The following ANKRD18B variants were observed in gnomAD, a reference collection of about 807,000 sequenced individuals.
ANKRD18B encodes ankyrin repeat domain 18B.
Under a neutral mutation model 111.8 loss-of-function variants are expected in ANKRD18B, and 75 were observed. The ratio of observed to expected loss-of-function variants is 0.67; its 90% CI spans 0.56 to 0.81. ANKRD18B has a LOEUF of 0.81. Ranked by LOEUF, ANKRD18B falls within the 40% of genes least tolerant of loss-of-function variation. The probability of loss-of-function intolerance (pLI) is 0.00; values close to 1 mark genes in which losing one functional copy is unlikely to be tolerated. For missense variants in ANKRD18B, 1,038 were observed against 1,225.5 expected, an observed-to-expected ratio of 0.85 and a Z score of 2.28; for synonymous variants, 356 against 417.3, an observed-to-expected ratio of 0.85 and a Z score of 1.79.
chr9:33,541,015 G>A (rs1474449594), intron 8 of ANKRD18B, 132 bp from the exon 9 acceptor site: 3 of 1,062,924 alleles, frequency 2.8e-6, no homozygotes, highest in Non-Finnish European at 4.0e-6. Flanking sequence ...TTAAATTTGT[G>A]GTGATGAGTG....
chr9:33,544,449 C>T (rs1828326641), intron 10 of ANKRD18B, among the ~76,000 whole-genome samples: 1 of 152,178 alleles, frequency 6.6e-6, no homozygotes, highest in South Asian at 2.1e-4. Context: ...AATTAATTTT[C>T]CACTTTTGCA....
At chr9:33,574,204 G>T (rs1427875213), downstream of ANKRD18B, among the ~76,000 whole-genome samples, 1 of 108,402 alleles carries the variant, frequency 9.2e-6, no homozygotes, top group African/African-American at 2.6e-5. Flanking sequence ...GGTCAGTGGG[G>T]TCTGGTCCAT....
At position 33,534,452 on chromosome 9, in the gene ANKRD18B, C is replaced by T; in HGVS notation, c.685C>T (p.Gln229Ter). Residue 229 changes from glutamine (Q) to a stop codon, truncating the protein, a stop_gained, in exon 5 of 19, where the codon CAA becomes TAA. Transcript: ENST00000684830. LOFTEE classifies it high-confidence loss of function. ...TCAACAAAATATACATATCTCTTCTCAAGACATGTTTGGCCAAACTGCCGA... is the reference window on the plus strand; with the variant it reads ...TCAACAAAATATACATATCTCTTCTTAAGACATGTTTGGCCAAACTGCCGA... ...LLQQNIHISS[Q>*]DMFGQTAEDY... 1.9e-6 allele frequency: 3 copies of T among 1,551,106 alleles called. No individual in the cohort carries two copies. The highest frequency in any genetic ancestry group is 1.7e-4 in the Middle Eastern group (1 of 5,990).
chr9:33,526,243 T>C (rs753394779), intron 1 of ANKRD18B, among the ~76,000 whole-genome samples: 9 of 152,192 alleles, frequency 5.9e-5, no homozygotes, highest in Admixed American at 3.3e-4. Flanking sequence ...TGTATTAAAA[T>C]ACCTTCAGAA....
intron 14 of ANKRD18B, among the ~76,000 whole-genome samples, chr9:33,563,120 T>C (rs895871233): frequency 6.6e-6 from 1 of 152,244 alleles, no homozygotes; most frequent in African/African-American, 2.4e-5. Context: ...TGCTTCTCAA[T>C]AATGTTTGTC....
chr9:33,535,639 T>G (rs1425183610), intron 5 of ANKRD18B, among the ~76,000 whole-genome samples: 1 of 148,644 alleles, frequency 6.7e-6, no homozygotes, highest in Non-Finnish European at 1.5e-5. Flanking sequence ...TATATGAGAT[T>G]ATATTGCATA....
chr9:33,525,898 A>G (rs918892105), intron 1 of ANKRD18B, among the ~76,000 whole-genome samples: 1 of 151,372 alleles, frequency 6.6e-6, no homozygotes, highest in African/African-American at 2.4e-5. Context: ...TATATCAGTT[A>G]TACATATATA....
chr9:33,538,127 T>C (rs1828227191), intron 6 of ANKRD18B, among the ~76,000 whole-genome samples: 1 of 152,146 alleles, frequency 6.6e-6, no homozygotes, highest in Non-Finnish European at 1.5e-5. Context: ...AAAGTAACTG[T>C]CTTTAGAACT....
intron 13 of ANKRD18B, among the ~76,000 whole-genome samples, chr9:33,556,219 C>A (rs1587271740): frequency 6.6e-6 from 1 of 152,202 alleles, no homozygotes; most frequent in East Asian, 1.9e-4. Context: ...ACTTACAACA[C>A]AATCTGAAAT....
chr9:33,527,468 C>T (rs1218149882), intron 1 of ANKRD18B, among the ~76,000 whole-genome samples: 1 of 152,154 alleles, frequency 6.6e-6, no homozygotes, highest in Non-Finnish European at 1.5e-5. Context: ...ATTACAGGTG[C>T]CTGCCACCAC....
chr9:33,568,657 T>G lies in ANKRD18B; in HGVS notation c.2955-14T>G. On this transcript the variant is annotated splice_polypyrimidine_tract_variant and intron_variant, in intron 16 of 18. Transcript: ENST00000684830. ...AAATGAAATACTAAGCATTTGTCTT[T>G]GCTCTCTTTACAGATCGGATAAGAA... 2 of 1,509,364 alleles carry G rather than the reference T, an allele frequency of 1.3e-6. No homozygotes were observed. The highest frequency in any genetic ancestry group is 1.7e-4 in the Middle Eastern group (1 of 5,772). The allele number at this position is 1,509,364 out of a possible 1,614,324, so 93.5% of individuals were successfully genotyped here. A position where few individuals can be genotyped will look rare whatever the true frequency, so the allele number is the denominator to read the frequency against.
At chr9:33,552,284 G>T (rs1348100253) in intron 12 of ANKRD18B, among the ~76,000 whole-genome samples, 1 of 152,148 alleles carries the variant, frequency 6.6e-6, no homozygotes, top group African/African-American at 2.4e-5. Flanking sequence ...ATCTAAATTT[G>T]CCTTCCTTCA....
intron 12 of ANKRD18B, among the ~76,000 whole-genome samples, chr9:33,553,956 C>A (rs1482686417): frequency 6.6e-6 from 1 of 151,348 alleles, no homozygotes; most frequent in African/African-American, 2.4e-5. Context: ...ACTGTAGCCC[C>A]AGCTACTTGG....
intron 14 of ANKRD18B, among the ~76,000 whole-genome samples, chr9:33,564,869 C>T (rs1828662763): frequency 6.6e-6 from 1 of 151,962 alleles, no homozygotes; most frequent in Non-Finnish European, 1.5e-5. Flanking sequence ...AGAGAAATAT[C>T]TAATCAGATC....
At chr9:33,525,277 C>T (rs1828010922) in intron 1 of ANKRD18B, among the ~76,000 whole-genome samples, 1 of 152,142 alleles carries the variant, frequency 6.6e-6, no homozygotes, top group Admixed American at 6.5e-5. Context: ...AAACGACTTG[C>T]TCCTCTAGAT....
chr9:33,557,818 A>C (rs532845145), intron 13 of ANKRD18B, among the ~76,000 whole-genome samples: 7 of 152,194 alleles, frequency 4.6e-5, no homozygotes, highest in East Asian at 1.9e-4. Flanking sequence ...AAAACAAAAA[A>C]AAAACTGTAT....
chr9:33,552,688 T>A (rs1410555809), intron 12 of ANKRD18B, among the ~76,000 whole-genome samples: 1 of 152,100 alleles, frequency 6.6e-6, no homozygotes, highest in African/African-American at 2.4e-5. Context: ...AGTGCATCTA[T>A]AGGAGGCCAC....
chr9:33,540,131 C>T lies in ANKRD18B; in HGVS notation c.916C>T (p.Pro306Ser), dbSNP rs994686872. Residue 306 changes from proline (P) to serine (S), a missense_variant, in exon 8 of 19, where the codon CCT (proline) becomes TCT (serine). Pro to Ser is a moderately conservative substitution (Grantham distance 74). Coordinates refer to ENST00000684830, the MANE Select transcript of ANKRD18B (RefSeq NM_001393611.1). ...GTGGCATGATCTCAGATTACTGCAGCCTTCACCTCCCAGGTTCAAGCAATT... is the reference window on the plus strand; with the variant it reads ...GTGGCATGATCTCAGATTACTGCAGTCTTCACCTCCCAGGTTCAAGCAATT... The part of the protein sequence containing the change: ...VQWHDLRLLQ[P>S]SPPRFKQFSC... 2 of 151,426 alleles carry T rather than the reference C, an allele frequency of 1.3e-5. No individual in the cohort carries two copies. The highest frequency in any genetic ancestry group is 4.9e-5 in the African/African-American group (2 of 41,138). 9.4% of individuals were successfully genotyped at this position (151,426 alleles called of 1,614,324 possible). A position where few individuals can be genotyped will look rare whatever the true frequency, so the allele number is the denominator to read the frequency against.
chr9:33,573,400 C>G, downstream of ANKRD18B: 1 of 731,298 alleles, frequency 1.4e-6, no homozygotes, highest in Non-Finnish European at 1.7e-6. Context: ...TGTGCTGTGT[C>G]TCTAGATCGG....
Sources: gnomAD v4.1 joint callset for allele counts (sites outside exome capture counted in the v4.1 genomes callset) on GRCh38, gnomAD v4.1.1 for gene constraint, MANE v1.5 for transcripts, NCBI Gene and HGNC (gene_info 2026-07-23, HGNC 2026-07-21) for gene names.